The following PARD3 variants were observed in gnomAD, a reference collection of about 807,000 sequenced individuals.
The protein encoded by PARD3 is par-3 family cell polarity regulator, also known as partitioning defective 3 homolog.
PARD3 carries 75 observed loss-of-function variants against 155.4 expected under a neutral mutation model. The ratio of observed to expected loss-of-function variants is 0.48; its 90% CI spans 0.40 to 0.58. The LOEUF (loss-of-function observed/expected upper bound fraction) is 0.58, where lower values mean the gene tolerates loss of function less well. Among genes scored for constraint, PARD3 ranks in the 20% least tolerant of loss-of-function variants. The probability of loss-of-function intolerance (pLI) is 0.00; values close to 1 mark genes in which losing one functional copy is unlikely to be tolerated. For missense variants in PARD3, 1,642 were observed against 1,721.7 expected (o/e 0.95, Z 0.82); for synonymous variants, 576 against 610.5 (o/e 0.94, Z 0.83).
At chr10:34,670,271 C>T (rs2489653) in intron 2 of PARD3, among the ~76,000 whole-genome samples, 5,073 of 152,306 alleles carry the variant, frequency 0.033, 97 homozygotes, top group African/African-American at 0.05. Context: ...GACGCCTTCA[C>T]GAAAGCTGAC....
chr10:34,538,179 T>C (rs906604081), intron 2 of PARD3, among the ~76,000 whole-genome samples: 6 of 152,218 alleles, frequency 3.9e-5, no homozygotes, highest in Non-Finnish European at 7.3e-5. Flanking sequence ...GTAATCTTTA[T>C]AGTTTCCCAC....
At chr10:34,565,248 A>G (rs923084315) in intron 2 of PARD3, among the ~76,000 whole-genome samples, 1 of 147,054 alleles carries the variant, frequency 6.8e-6, no homozygotes. Context: ...GATAAAAGAC[A>G]AAGGAGCAAG....
chr10:34,751,565 G>C (rs1338851501), intron 1 of PARD3, among the ~76,000 whole-genome samples: 2 of 152,152 alleles, frequency 1.3e-5, no homozygotes, highest in Non-Finnish European at 2.9e-5. Context: ...GGGTAGTGCA[G>C]AGACACAGAC....
chr10:34,812,247 CTTTTTAT>C (rs1844276172), intron 1 of PARD3, among the ~76,000 whole-genome samples: 2 of 152,136 alleles, frequency 1.3e-5, no homozygotes, highest in African/African-American at 2.4e-5. Context: ...TTCTCTTTTC[CTTTTTAT>C]TTTTTATTTT....
At chr10:34,149,918 T>C (rs1948699734) in intron 22 of PARD3, among the ~76,000 whole-genome samples, 1 of 152,222 alleles carries the variant, frequency 6.6e-6, no homozygotes, top group African/African-American at 2.4e-5. Context: ...TAGGTAGTCA[T>C]ATCAATTTTG....
intron 7 of PARD3, 36 bp downstream of exon 7, chr10:34,399,294 A>T (rs1174205721): frequency 8.0e-7 from 1 of 1,251,858 alleles, no homozygotes; most frequent in South Asian, 1.2e-5. Context: ...AACACTCTAC[A>T]TTATGATTCA....
intron 5 of PARD3, among the ~76,000 whole-genome samples, chr10:34,442,686 T>C (rs558744214): frequency 7.9e-5 from 12 of 152,202 alleles, no homozygotes; most frequent in African/African-American, 2.9e-4. Context: ...CTGGGAAACA[T>C]AGCGGGACCC....
intron 1 of PARD3, among the ~76,000 whole-genome samples, chr10:34,763,413 C>A (rs1415163135): frequency 6.6e-6 from 1 of 152,142 alleles, no homozygotes; most frequent in Non-Finnish European, 1.5e-5. Context: ...CAATGCCACC[C>A]ACCTGCATCA....
intron 1 of PARD3, among the ~76,000 whole-genome samples, chr10:34,789,239 C>T (rs1284468245): frequency 2.0e-5 from 3 of 152,068 alleles, no homozygotes; most frequent in Non-Finnish European, 2.9e-5. Context: ...CCGCAGTGAG[C>T]CATGAAGAAT....
chr10:34,688,203 C>T (rs942382712), intron 2 of PARD3, among the ~76,000 whole-genome samples: 1 of 152,028 alleles, frequency 6.6e-6, no homozygotes, highest in African/African-American at 2.4e-5. Flanking sequence ...GACTGGCCTG[C>T]GCAGGAACTG....
chr10:34,475,172 A>G (rs2078629392), intron 3 of PARD3, among the ~76,000 whole-genome samples: 2 of 152,208 alleles, frequency 1.3e-5, no homozygotes, highest in African/African-American at 4.8e-5. Flanking sequence ...AATGAGAACA[A>G]CTTTAAAATA....
At chr10:34,695,570 C>G (rs72781626) in intron 2 of PARD3, among the ~76,000 whole-genome samples, 5 of 152,138 alleles carry the variant, frequency 3.3e-5, no homozygotes, top group Non-Finnish European at 5.9e-5. Context: ...TCCTCCTCCC[C>G]CTCCTCTTCC....
intron 21 of PARD3, among the ~76,000 whole-genome samples, chr10:34,275,119 C>T (rs1418437664): frequency 6.6e-6 from 1 of 152,162 alleles, no homozygotes; most frequent in Non-Finnish European, 1.5e-5. Flanking sequence ...TAATCGCCAC[C>T]AGTCACTGAG....
intron 7 of PARD3, among the ~76,000 whole-genome samples, chr10:34,393,951 C>T (rs1459969716): frequency 6.6e-6 from 1 of 151,764 alleles, no homozygotes; most frequent in Non-Finnish European, 1.5e-5. Flanking sequence ...AATTCTCCTG[C>T]CTCAGCCTTC....
intron 1 of PARD3, among the ~76,000 whole-genome samples, chr10:34,751,203 G>C (rs917617761): frequency 1.8e-5 from 2 of 113,784 alleles, no homozygotes; most frequent in African/African-American, 2.7e-5. Flanking sequence ...GCTGTTACAA[G>C]TATTAAATGT....
intron 21 of PARD3, among the ~76,000 whole-genome samples, chr10:34,274,224 A>C (rs1172414021): frequency 6.6e-6 from 1 of 152,178 alleles, no homozygotes; most frequent in Non-Finnish European, 1.5e-5. Context: ...CAGCAACTCA[A>C]ATTCTAATGT....
chr10:34,810,645 G>A (rs1026149086), intron 1 of PARD3, among the ~76,000 whole-genome samples: 2 of 152,134 alleles, frequency 1.3e-5, no homozygotes, highest in African/African-American at 4.8e-5. Flanking sequence ...TACATGCTGC[G>A]TTTTTAAGTA....
intron 14 of PARD3, among the ~76,000 whole-genome samples, chr10:34,353,396 C>G (rs999055164): frequency 1.3e-5 from 2 of 152,218 alleles, no homozygotes; most frequent in African/African-American, 4.8e-5. Flanking sequence ...CCTTGGGATG[C>G]TGTTAATCTA....
At chr10:34,748,890 G>A (rs1038213187) in intron 1 of PARD3, among the ~76,000 whole-genome samples, 1 of 152,166 alleles carries the variant, frequency 6.6e-6, no homozygotes, top group Non-Finnish European at 1.5e-5. Context: ...TAATCACTAA[G>A]GATGTTCCCC....
Sources: allele counts gnomAD v4.1 joint callset (sites outside exome capture counted in the v4.1 genomes callset), GRCh38; gene constraint gnomAD v4.1.1; transcripts MANE v1.5; gene names NCBI Gene and HGNC (gene_info 2026-07-23, HGNC 2026-07-21).